SGCZ: variants seen among roughly 807,000 people sequenced by gnomAD.
SGCZ encodes zeta-sarcoglycan.
A neutral mutation model predicts 41.3 loss-of-function variants in SGCZ; 40 were observed. The ratio of observed to expected loss-of-function variants is 0.97; its 90% CI spans 0.75 to 1.26. The LOEUF (loss-of-function observed/expected upper bound fraction) is 1.26. SGCZ is among the 50% of genes most tolerant of loss of function. The pLI, the probability that SGCZ is intolerant of heterozygous loss-of-function variation, is 0.00. For synonymous variants in SGCZ, 206 were observed against 137.5 expected, an observed-to-expected ratio of 1.50 and a Z score of -3.49; for missense variants, 552 against 369.8, an observed-to-expected ratio of 1.49 and a Z score of -4.04.
intron 1 of SGCZ, among the ~76,000 whole-genome samples, chr8:15,026,375 T>G (rs538089788): frequency 6.6e-6 from 1 of 152,280 alleles, no homozygotes; most frequent in South Asian, 2.1e-4. Context: ...GAGTCCTAAA[T>G]TTTTAATCAT....
intron 4 of SGCZ, among the ~76,000 whole-genome samples, chr8:14,184,030 G>A (rs942397891): frequency 7.2e-5 from 11 of 152,164 alleles, no homozygotes; most frequent in Non-Finnish European, 1.3e-4. Context: ...ATTAGAAAAC[G>A]AAAGGTAAAT....
In SGCZ at chr8:14,934,284, G is replaced by A. The variant is rs147865467; in HGVS notation, c.39+303301C>T. ...AGAATAAAATCTGCAGAAATGTTAA[G>A]TACTGGGACTACTGTATATAAAATA... On this transcript the variant is annotated intron_variant, in intron 1 of 7. Transcript: ENST00000382080. Among the ~76,000 whole-genome samples the A allele has an allele frequency of 9.0e-4, 136 of 151,952 alleles. 2 individuals carry two copies. The highest frequency in any genetic ancestry group is 6.1e-3 in the Admixed American group (93 of 15,276).
chr8:14,817,891 C>G (rs1226084264), intron 1 of SGCZ, among the ~76,000 whole-genome samples: 1 of 152,192 alleles, frequency 6.6e-6, no homozygotes, highest in African/African-American at 2.4e-5. Flanking sequence ...ATCCACTGTG[C>G]CTGCAAACAC....
At chr8:14,757,409 C>T (rs1368335813) in intron 1 of SGCZ, among the ~76,000 whole-genome samples, 1 of 152,208 alleles carries the variant, frequency 6.6e-6, no homozygotes, top group Non-Finnish European at 1.5e-5. Context: ...TTCTCAGGTA[C>T]TGTGTGGGCT....
In SGCZ at chr8:14,345,282, C is replaced by G. The variant is rs1372250645; in HGVS notation, c.235-21078G>C. ...TTAAAAAGAATGGCACTATCAAGAA[C>G]TGCTAAGAATGTGAAACACGTGGAA... On this transcript the variant is annotated intron_variant, in intron 2 of 7. Coordinates refer to ENST00000382080, the MANE Select transcript of SGCZ (RefSeq NM_139167.4). Among the ~76,000 whole-genome samples the G allele has an allele frequency of 2.6e-5, 4 of 152,096 alleles. No individual in the cohort carries two copies. The East Asian group carries it at 7.7e-4, about 29-fold the overall frequency.
chr8:15,191,947 G>C (rs1160666531), intron 1 of SGCZ, among the ~76,000 whole-genome samples: 1 of 151,920 alleles, frequency 6.6e-6, no homozygotes, highest in Non-Finnish European at 1.5e-5. Flanking sequence ...ATACAACCCT[G>C]GGCCAAACTA....
rs151186050 is a variant in SGCZ at position 14,725,215 on chromosome 8, T to C, written c.40-170289A>G. Among the ~76,000 whole-genome samples, 195 of 152,354 alleles carry C rather than the reference T, an allele frequency of 1.3e-3. 4 individuals are homozygous for C. Among genetic ancestry groups the C allele is most frequent in the African/African-American group, 4.5e-3 (186 of 41,588 alleles). The stretch of plus-strand genomic sequence containing the variant: ...GCTGAATAATATTCCATTGTGTATA[T>C]AGACCACCTTTACTCATTCCTCTGT... On this transcript the variant is annotated intron_variant, in intron 1 of 7. Coordinates refer to ENST00000382080, the MANE Select transcript of SGCZ (RefSeq NM_139167.4).
chr8:14,824,698 T>A (rs1192962841), intron 1 of SGCZ, among the ~76,000 whole-genome samples: 1 of 152,116 alleles, frequency 6.6e-6, no homozygotes, highest in African/African-American at 2.4e-5. Context: ...GAATGAGTGA[T>A]AATTAAGAAA....
chr8:14,873,414 ACT>A (rs1177900537), intron 1 of SGCZ, among the ~76,000 whole-genome samples: 4 of 152,012 alleles, frequency 2.6e-5, no homozygotes, highest in Admixed American at 1.3e-4. Context: ...AACTTTGGAG[ACT>A]CTAGAGTCGT....
chr8:14,722,602 G>A (rs1427797966), intron 1 of SGCZ, among the ~76,000 whole-genome samples: 1 of 151,832 alleles, frequency 6.6e-6, no homozygotes, highest in Non-Finnish European at 1.5e-5. Context: ...CACAAGAAAT[G>A]AGAAGGGAAA....
chr8:14,833,397 T>C (rs1257248871), intron 1 of SGCZ, among the ~76,000 whole-genome samples: 5 of 152,100 alleles, frequency 3.3e-5, no homozygotes, highest in Non-Finnish European at 5.9e-5. Context: ...TACAGATCTG[T>C]GAGTACACCT....
At chr8:14,160,487 T>C (rs1804010515) in intron 5 of SGCZ, among the ~76,000 whole-genome samples, 1 of 152,196 alleles carries the variant, frequency 6.6e-6, no homozygotes, top group African/African-American at 2.4e-5. Flanking sequence ...AATAAAAATA[T>C]AGTTTTCAAT....
At chr8:14,883,216 G>A (rs1325985575) in intron 1 of SGCZ, among the ~76,000 whole-genome samples, 4 of 142,616 alleles carry the variant, frequency 2.8e-5, no homozygotes, top group Admixed American at 7.2e-5. Context: ...AACCTCCCTC[G>A]CCTCAATGTT....
intron 1 of SGCZ, among the ~76,000 whole-genome samples, chr8:14,906,939 A>T (rs1799135412): frequency 2.0e-5 from 3 of 152,214 alleles, no homozygotes; most frequent in Admixed American, 2.0e-4. Flanking sequence ...CATATACTTT[A>T]AAAAAGGTGA....
chr8:14,737,144 T>G (rs200029329), intron 1 of SGCZ, among the ~76,000 whole-genome samples: 1 of 17,168 alleles, frequency 5.8e-5, no homozygotes, highest in African/African-American at 1.4e-4. Context: ...ATATATAAGA[T>G]ATATATATAT....
chr8:14,871,235 A>G (rs1456263313), intron 1 of SGCZ, among the ~76,000 whole-genome samples: 1 of 152,074 alleles, frequency 6.6e-6, no homozygotes, highest in Non-Finnish European at 1.5e-5. Flanking sequence ...TCAGGAAACA[A>G]CAGATGCTGG....
At chr8:15,130,698 T>G (rs965441321) in intron 1 of SGCZ, among the ~76,000 whole-genome samples, 2 of 152,320 alleles carry the variant, frequency 1.3e-5, no homozygotes, top group Non-Finnish European at 2.9e-5. Flanking sequence ...GAAAGTATTT[T>G]CCACCATCAT....
intron 2 of SGCZ, among the ~76,000 whole-genome samples, chr8:14,356,642 T>G (rs1191228539): frequency 6.6e-6 from 1 of 151,962 alleles, no homozygotes; most frequent in Non-Finnish European, 1.5e-5. Flanking sequence ...ATGAAAATCT[T>G]TACCCATATG....
intron 1 of SGCZ, among the ~76,000 whole-genome samples, chr8:15,207,236 C>G (rs927369378): frequency 1.3e-5 from 2 of 152,090 alleles, no homozygotes; most frequent in Non-Finnish European, 2.9e-5. Context: ...GGCAGCAATG[C>G]TAGGCAAGCA....
Sources: allele counts gnomAD v4.1 joint callset (sites outside exome capture counted in the v4.1 genomes callset), GRCh38; gene constraint gnomAD v4.1.1; transcripts MANE v1.5; gene names NCBI Gene and HGNC (gene_info 2026-07-23, HGNC 2026-07-21).